Variants in CBFA2T2 observed in about 807,000 individuals in gnomAD.
The protein encoded by CBFA2T2 is CBFA2/RUNX1 partner transcriptional co-repressor 2.
In CBFA2T2, 11 loss-of-function variants were observed where a neutral mutation model predicts 62.2. The observed-to-expected ratio is 0.18, with a 90% confidence interval of 0.11 to 0.29. CBFA2T2 has a LOEUF of 0.29. Among genes scored for constraint, CBFA2T2 ranks in the 10% least tolerant of loss-of-function variants. The pLI is 1.00. For missense variants in CBFA2T2, 592 were observed against 774.1 expected (o/e 0.76, Z 2.79); for synonymous variants, 295 against 287.5 (o/e 1.03, Z -0.27).
At chr20:33,610,792 C>T in intron 2 of CBFA2T2, among the ~76,000 whole-genome samples, 1 of 152,154 alleles carries the variant, frequency 6.6e-6, no homozygotes, top group Non-Finnish European at 1.5e-5. Context: ...CCATCTCAAG[C>T]ACTACCTGTT....
intron 5 of CBFA2T2, among the ~76,000 whole-genome samples, chr20:33,623,560 T>G (rs2016081212): frequency 2.0e-5 from 1 of 50,376 alleles, no homozygotes. Flanking sequence ...GACCAGCTAA[T>G]GTTTGTTTGT....
chr20:33,545,025 T>G (rs112997316), intron 1 of CBFA2T2, among the ~76,000 whole-genome samples: 1 of 133,974 alleles, frequency 7.5e-6, no homozygotes, highest in Admixed American at 8.8e-5. Context: ...CAGAACAGAA[T>G]GCAAGGTAGA....
chr20:33,529,987 A>G (rs1000200338), intron 1 of CBFA2T2, among the ~76,000 whole-genome samples: 1 of 151,900 alleles, frequency 6.6e-6, no homozygotes, highest in Non-Finnish European at 1.5e-5. Flanking sequence ...GTGTTGCACC[A>G]TGTTGGCCAG....
chr20:33,542,692 A>C (rs561763551), intron 1 of CBFA2T2, among the ~76,000 whole-genome samples: 10 of 152,234 alleles, frequency 6.6e-5, no homozygotes, highest in African/African-American at 2.4e-4. Flanking sequence ...GGGGTTCAGG[A>C]ACAGGGTCTT....
intron 1 of CBFA2T2, among the ~76,000 whole-genome samples, chr20:33,590,148 A>G (rs1318730079): frequency 6.6e-6 from 1 of 151,284 alleles, no homozygotes; most frequent in Non-Finnish European, 1.5e-5. Context: ...TGGGAGGCTG[A>G]GGTGGGAGGA....
chr20:33,519,354 C>T (rs985356162), intron 1 of CBFA2T2, among the ~76,000 whole-genome samples: 5 of 152,058 alleles, frequency 3.3e-5, no homozygotes, highest in Admixed American at 6.6e-5. Flanking sequence ...CCTGTAATTC[C>T]AGCTATTCAG....
chr20:33,524,568 A>T (rs1050005870), intron 1 of CBFA2T2, among the ~76,000 whole-genome samples: 10 of 152,170 alleles, frequency 6.6e-5, no homozygotes, highest in Non-Finnish European at 1.5e-4. Flanking sequence ...CTCATTTTCA[A>T]ATAAAATAAT....
chr20:33,596,411 C>G (rs1449127832), intron 1 of CBFA2T2, among the ~76,000 whole-genome samples: 2 of 152,208 alleles, frequency 1.3e-5, no homozygotes, highest in African/African-American at 4.8e-5. Context: ...AATCACTGGT[C>G]TAATCATTAT....
rs11475822 is a variant in CBFA2T2 at position 33,579,817 on chromosome 20, C to CTTTTTT, written c.35-27130_35-27125dup. Among the ~76,000 whole-genome samples, 27 of 138,446 alleles carry CTTTTTT rather than the reference C, an allele frequency of 2.0e-4. 1 individual carries two copies. The highest frequency in any genetic ancestry group is 3.9e-4 in the Non-Finnish European group (25 of 64,490). The allele number at this position is 138,446 out of a possible 152,430, so 90.8% of individuals were successfully genotyped here. On this transcript the variant is annotated intron_variant, in intron 1 of 10. Coordinates refer to ENST00000342704, the MANE Select transcript of CBFA2T2 (RefSeq NM_001032999.3). ...TCTTGGTGTCTCTCTCTCTCTCTCT[C>CTTTTTT]TTTTTTTTTTTTTTGAGACGGAGTT...
intron 1 of CBFA2T2, among the ~76,000 whole-genome samples, chr20:33,536,416 C>T (rs1294652348): frequency 2.1e-5 from 3 of 144,962 alleles, no homozygotes; most frequent in East Asian, 2.1e-4. Flanking sequence ...GGTGGCTGGC[C>T]GGGCGGGGGG....
At chr20:33,503,013 C>A (rs1374257152) in intron 1 of CBFA2T2, among the ~76,000 whole-genome samples, 4 of 136,366 alleles carry the variant, frequency 2.9e-5, no homozygotes, top group South Asian at 2.4e-4. Context: ...ATGGCGTGAA[C>A]CCGGGAGGCG....
chr20:33,600,347 A>G, intron 1 of CBFA2T2: 1 of 236,240 alleles, frequency 4.2e-6, no homozygotes, highest in Non-Finnish European at 8.8e-6. Flanking sequence ...GCCTGCCACC[A>G]TGCCCAGCTA....
chr20:33,587,319 T>A (rs1241654287), intron 1 of CBFA2T2, among the ~76,000 whole-genome samples: 1 of 151,960 alleles, frequency 6.6e-6, no homozygotes, highest in Non-Finnish European at 1.5e-5. Flanking sequence ...CAGGCTGGAG[T>A]GCAGTGGCAC....
At chr20:33,526,590 G>A (rs966827965) in intron 1 of CBFA2T2, among the ~76,000 whole-genome samples, 1 of 151,884 alleles carries the variant, frequency 6.6e-6, no homozygotes, top group African/African-American at 2.4e-5. Context: ...CTCTCACTGC[G>A]CCCAGCAATG....
intron 3 of CBFA2T2, among the ~76,000 whole-genome samples, chr20:33,617,580 A>G (rs984810027): frequency 6.6e-6 from 1 of 152,174 alleles, no homozygotes; most frequent in Admixed American, 6.5e-5. Context: ...TCATTCATGT[A>G]GCCCTTCCAT....
chr20:33,522,432 T>A (rs907401770), intron 1 of CBFA2T2, among the ~76,000 whole-genome samples: 1 of 151,990 alleles, frequency 6.6e-6, no homozygotes, highest in Non-Finnish European at 1.5e-5. Flanking sequence ...TACTACCAAG[T>A]AAAAATGAAC....
rs1286383153 is a variant in CBFA2T2, at chr20:33,500,277, C to T, written c.34+9976C>T. On this transcript the variant is annotated intron_variant, in intron 1 of 10. Transcript: ENST00000342704. The stretch of plus-strand genomic sequence containing the variant: ...GCCAAAAACCCACTTTTTTTTAACC[C>T]TCTATCGCATGGCTTCTTTTTGCTA... 3.9e-5 allele frequency among the ~76,000 whole-genome samples: 6 copies of T among 151,958 alleles called. No homozygotes were observed. In the East Asian group the frequency reaches 1.2e-3, roughly 29 times the overall value.
intron 6 of CBFA2T2, 96 bp downstream of exon 6, chr20:33,625,113 C>A: frequency 8.1e-7 from 1 of 1,238,420 alleles, no homozygotes; most frequent in Non-Finnish European, 1.1e-6. Flanking sequence ...CTTTTTCCCA[C>A]TGATTGGATA....
rs751036216 is a variant in CBFA2T2, at chr20:33,606,970, A to G, written c.49A>G (p.Arg17Gly). ...AAAFQLGPEK[R>G]VPAMPGSPVE... is the part of the protein sequence containing the mutation. ...ATTCTCTGCAGTTGGTCCTGAGAAA[A>G]GGGTGCCAGCGATGCCTGGATCGCC... The change falls in exon 2 of 11, where the codon AGG (arginine) becomes GGG (glycine). Residue 17 changes from arginine to glycine, a missense_variant. Transcript: ENST00000342704. 49 of 1,613,280 alleles carry G rather than the reference A, an allele frequency of 3.0e-5. No individual in the cohort carries two copies. The South Asian group carries it at 5.4e-4, about 18-fold the overall frequency.
Sources: gnomAD v4.1 joint callset for allele counts (sites outside exome capture counted in the v4.1 genomes callset) on GRCh38, gnomAD v4.1.1 for gene constraint, MANE v1.5 for transcripts, NCBI Gene and HGNC (gene_info 2026-07-23, HGNC 2026-07-21) for gene names.